TERT: variants seen among roughly 807,000 people sequenced by gnomAD.
TERT encodes telomerase catalytic subunit.
Under a neutral mutation model 104.0 loss-of-function variants are expected in TERT, and 42 were observed. The observed-to-expected ratio is 0.40, with a 90% CI of 0.32 to 0.52. The LOEUF (loss-of-function observed/expected upper bound fraction) is 0.52. TERT is among the 20% of genes least tolerant of loss of function. TERT has a pLI of 0.43. For synonymous variants in TERT, 781 were observed against 725.6 expected, an observed-to-expected ratio of 1.08 and a Z score of -1.23; for missense variants, 1,101 against 1,610.3, an observed-to-expected ratio of 0.68 and a Z score of 5.41.
At chr5:1,282,302 GC>G in intron 3 of TERT, 126 bp downstream of exon 3, 2 of 1,001,418 alleles carry the variant, frequency 2.0e-6, no homozygotes, top group Non-Finnish European at 3.1e-6. Flanking sequence ...CTGTGACGGG[GC>G]CCCTGGCTCC....
chr5:1,267,848 T>C (rs1383849042), intron 9 of TERT, among the ~76,000 whole-genome samples: 7 of 149,308 alleles, frequency 4.7e-5, no homozygotes, highest in Non-Finnish European at 1.0e-4. Context: ...ATGGGGGGAG[T>C]GGGGAGGGAT....
In TERT at chr5:1,288,188, A is replaced by G. The variant is rs1750608750; in HGVS notation, c.1573+5125T>C. Reference sequence around the variant, plus strand: ...AAATCACAGAATAAGAATACTTAAAAGAAGTATTAACACTTTGAAGTATTT... The same window carrying G: ...AAATCACAGAATAAGAATACTTAAAGGAAGTATTAACACTTTGAAGTATTT... On this transcript the variant is annotated intron_variant, in intron 2 of 15. Transcript: ENST00000310581. This position sits in a 1 kb window ranked among gnomAD's most constrained non-coding sequence, Gnocchi z 5.3. Among the ~76,000 whole-genome samples, 1 of 150,748 alleles carries G rather than the reference A, an allele frequency of 6.6e-6. No individual in the cohort carries two copies. The highest frequency in any genetic ancestry group is 1.5e-5 in the Non-Finnish European group (1 of 68,036).
Position 1,264,917 on chromosome 5 carries a change from G to A in TERT, c.2655-325C>T, listed in dbSNP as rs917012606. 2.6e-5 allele frequency among the ~76,000 whole-genome samples: 4 copies of A among 152,212 alleles called. 1 individual carries two copies. Among genetic ancestry groups the A allele is most frequent in the South Asian group, 4.1e-4 (2 of 4,834 alleles). Reference sequence around the variant, plus strand: ...GTCCCCATGGCAACACCACAATCCCGTTATAGACTCATCTGTGGTCCGGGG... The same window carrying A: ...GTCCCCATGGCAACACCACAATCCCATTATAGACTCATCTGTGGTCCGGGG... On this transcript the variant is annotated intron_variant, in intron 10 of 15. Transcript: ENST00000310581.
chr5:1,255,231 A>T lies in TERT; in HGVS notation c.3157+56T>A. On this transcript the variant is annotated intron_variant, in intron 14 of 15. Coordinates refer to ENST00000310581, the MANE Select transcript of TERT (RefSeq NM_198253.3). The surrounding 1 kb of genome is among the most constrained non-coding windows in gnomAD (Gnocchi z 6.9). The stretch of plus-strand genomic sequence containing the variant: ...GCCCAGATTCACTCAGTCTCCTGAC[A>T]CACTAACACCAGCAGGCAGGCACTG... 6.2e-7 allele frequency: 1 copy of T among 1,603,676 alleles called. No homozygotes were observed. The highest frequency in any genetic ancestry group is 8.5e-7 in the Non-Finnish European group (1 of 1,175,022).
chr5:1,254,288 G>T, intron 15 of TERT, 80 bp downstream of exon 15: 6 of 1,599,208 alleles, frequency 3.8e-6, no homozygotes, highest in Non-Finnish European at 5.1e-6. Flanking sequence ...AGCAGCATCT[G>T]AGGCTGCTCG....
rs770230888 is a variant in TERT, at chr5:1,260,484, AG to A, written c.2959del (p.Leu987TrpfsTer5). 1 of 1,614,100 alleles carries A rather than the reference AG, an allele frequency of 6.2e-7. No homozygotes were observed. The highest frequency in any genetic ancestry group is 1.1e-5 in the South Asian group (1 of 91,084). On this transcript the variant is annotated frameshift_variant, in exon 12 of 16. Coordinates refer to ENST00000310581, the MANE Select transcript of TERT (RefSeq NM_198253.3). LOFTEE classifies it high-confidence loss of function. ...CATCAGCCTGCTCACCTGCAAATCC[AG>A]AAACAGGCTGTGACACTTCAGCCGC... Reference protein sequence around the residue: ...VLRLKCHSLFLDLQVNSLQTV... With the variant: ...VLRLKCHSLFXDLQVNSLQTV...
intron 2 of TERT, among the ~76,000 whole-genome samples, chr5:1,285,565 ATTTTTTT>A (rs1170336173): frequency 7.3e-5 from 6 of 82,184 alleles, no homozygotes; most frequent in East Asian, 4.0e-4. Flanking sequence ...GGCTACTAGA[ATTTTTTT>A]TTTTTTTTTT....
At chr5:1,283,439 C>T (rs1417117427) in intron 2 of TERT, among the ~76,000 whole-genome samples, 4 of 140,264 alleles carry the variant, frequency 2.9e-5, no homozygotes, top group South Asian at 2.4e-4. Context: ...ATCCAGACAC[C>T]GCACATCCAG....
rs1454469641 is a variant in TERT at position 1,255,369 on chromosome 5, A to G, written c.3075T>C (p.Val1025=). 6.2e-7 allele frequency: 1 copy of G among 1,614,160 alleles called. No homozygotes were observed. The highest frequency in any genetic ancestry group is 1.3e-5 in the African/African-American group (1 of 75,030). Residue 1025 remains valine (V), a synonymous_variant, in exon 14 of 16, where the codon GTT becomes GTC. Coordinates refer to ENST00000310581, the MANE Select transcript of TERT (RefSeq NM_198253.3). The surrounding 1 kb of genome is among the most constrained non-coding windows in gnomAD (Gnocchi z 6.9). ...GCAGGAAAAATGTGGGGTTCTTCCAAACTTGCTGATGAAATGGGAGCTGCA... is the reference window on the plus strand; with the variant it reads ...GCAGGAAAAATGTGGGGTTCTTCCAGACTTGCTGATGAAATGGGAGCTGCA... ...CVLQLPFHQQ[V]WKNPTFFLRV...
At position 1,255,387 on chromosome 5, in the gene TERT, G is replaced by C. The variant is rs1747647964; in HGVS notation, c.3057C>G (p.Leu1019=). 5 of 1,614,234 alleles carry C rather than the reference G, an allele frequency of 3.1e-6. No individual in the cohort carries two copies. The South Asian group carries it at 4.4e-5, about 14-fold the overall frequency. ...TCTTCCAAACTTGCTGATGAAATGG[G>C]AGCTGCAGCACACATGCGTGAAACC... ...AYRFHACVLQ[L]PFHQQVWKNP... is the part of the protein sequence containing the mutation. The change falls in exon 14 of 16, where the codon CTC becomes CTG. Residue 1019 remains leucine, a synonymous_variant. Transcript: ENST00000310581. The surrounding 1 kb of genome is among the most constrained non-coding windows in gnomAD (Gnocchi z 6.9).
chr5:1,257,061 G>A lies in TERT; in HGVS notation c.3032+1537C>T, dbSNP rs946177377. On this transcript the variant is annotated intron_variant, in intron 13 of 15. Transcript: ENST00000310581. This position sits in a 1 kb window ranked among gnomAD's most constrained non-coding sequence, Gnocchi z 5.6. ...GGAAGGGGATTCCTGGGCCTTCCACGTGCCTGACTCTGTGTTTGGAAACGG... is the reference window on the plus strand; with the variant it reads ...GGAAGGGGATTCCTGGGCCTTCCACATGCCTGACTCTGTGTTTGGAAACGG... Among the ~76,000 whole-genome samples, 1 of 152,140 alleles carries A rather than the reference G, an allele frequency of 6.6e-6. No homozygotes were observed. The highest frequency in any genetic ancestry group is 1.5e-5 in the Non-Finnish European group (1 of 68,028).
rs1416285081 is a variant in TERT at position 1,293,671 on chromosome 5, G to A, written c.1215C>T (p.Tyr405=). The stretch of plus-strand genomic sequence containing the variant: ...GGCAGTGCGTCTTGAGGAGCACCCC[G>A]TAGGGGCACTGCGCGTGGTTCCCAA... ...ELLGNHAQCP[Y]GVLLKTHCPL... is the part of the protein sequence containing the mutation. Residue 405 remains tyrosine (Y), a synonymous_variant, in exon 2 of 16, where the codon TAC becomes TAT. Transcript: ENST00000310581. 2.5e-6 allele frequency: 4 copies of A among 1,568,688 alleles called. No homozygotes were observed. The highest frequency in any genetic ancestry group is 1.3e-5 in the African/African-American group (1 of 74,384).
rs1332091247 is a variant in TERT, at chr5:1,263,858, C to G, written c.2843+546G>C. On this transcript the variant is annotated intron_variant, in intron 11 of 15. Transcript: ENST00000310581. This position sits in a 1 kb window ranked among gnomAD's most constrained non-coding sequence, Gnocchi z 5.3. The stretch of plus-strand genomic sequence containing the variant: ...CCCAGAATTTTGTAGAGACCCCCCC[C>G]ACACCATGGCCCTGTCCCCTGATGG... Among the ~76,000 whole-genome samples the G allele has an allele frequency of 3.3e-5, 5 of 152,242 alleles. No individual in the cohort carries two copies. Among genetic ancestry groups the G allele is most frequent in the Non-Finnish European group, 1.5e-5 (1 of 68,040 alleles).
Position 1,253,562 on chromosome 5 carries a change from T to C in TERT, c.*166A>G, listed in dbSNP as rs1359004324. 2.3e-5 allele frequency: 15 copies of C among 656,118 alleles called. No homozygotes were observed. Among genetic ancestry groups the C allele is most frequent in the Non-Finnish European group, 2.2e-5 (8 of 367,856 alleles). 40.6% of individuals were successfully genotyped at this position (656,118 alleles called of 1,614,324 possible). On this transcript the variant is annotated 3_prime_UTR_variant, in exon 16 of 16. Coordinates refer to ENST00000310581, the MANE Select transcript of TERT (RefSeq NM_198253.3). ...ACTCGCTCAGGCCTCAGCCGGACAC[T>C]CAGCCTTCAGCCGGACATGCAGGCC...
rs1406701814 is a variant in TERT at position 1,267,981 on chromosome 5, T to TA, written c.2582+538dup. Among the ~76,000 whole-genome samples, 507 of 145,916 alleles carry TA rather than the reference T, an allele frequency of 3.5e-3. 3 individuals are homozygous for TA. The highest frequency in any genetic ancestry group is 9.1e-3 in the African/African-American group (365 of 40,024). ...ACATGTACCCTAGAACTTAAAGTAT[T>TA]AAAAAAAAAAAAGTAACTGCTGTCA... On this transcript the variant is annotated intron_variant, in intron 9 of 15. Transcript: ENST00000310581.
Position 1,270,650 on chromosome 5 carries a change from C to T in TERT, c.2468+469G>A. ...ACTTTCCAGATGGGAAATCTAGTCA[C>T]AGAGAGAAGAGCCCGCGCCCTCGCG... On this transcript the variant is annotated intron_variant, in intron 8 of 15. Transcript: ENST00000310581. This position sits in a 1 kb window ranked among gnomAD's most constrained non-coding sequence, Gnocchi z 8.3. Among the ~76,000 whole-genome samples the T allele has an allele frequency of 6.6e-6, 1 of 152,310 alleles. No homozygotes were observed. The highest frequency in any genetic ancestry group is 2.4e-5 in the African/African-American group (1 of 41,552).
At position 1,270,294 on chromosome 5, in the gene TERT, GCA is replaced by G. The variant is rs1374956769; in HGVS notation, c.2468+823_2468+824del. On this transcript the variant is annotated intron_variant, in intron 8 of 15. Transcript: ENST00000310581. The surrounding 1 kb of genome is among the most constrained non-coding windows in gnomAD (Gnocchi z 8.3). Reference sequence around the variant, plus strand: ...TTTAAATAAAAGCTTCCGAAGCTGTGCACAGTCCTTTATCCGCTGGAGACGAT... The same window carrying G: ...TTTAAATAAAAGCTTCCGAAGCTGTGCAGTCCTTTATCCGCTGGAGACGAT... Among the ~76,000 whole-genome samples, 1 of 152,220 alleles carries G rather than the reference GCA, an allele frequency of 6.6e-6. No individual in the cohort carries two copies. Among genetic ancestry groups the G allele is most frequent in the Non-Finnish European group, 1.5e-5 (1 of 68,038 alleles).
In TERT at chr5:1,253,605, C is replaced by T; in HGVS notation, c.*123G>A. The T allele has an allele frequency of 1.2e-6, 1 of 809,140 alleles. No individual in the cohort carries two copies. Among genetic ancestry groups the T allele is most frequent in the Non-Finnish European group, 2.0e-6 (1 of 490,210 alleles). The allele number at this position is 809,140 out of a possible 1,614,324, so 50.1% of individuals were successfully genotyped here. ...TGCAGGCCTCGGCCAAACACTCACTCAGGCCTCAGACTCCCAGCGGTGCGG... is the reference window on the plus strand; with the variant it reads ...TGCAGGCCTCGGCCAAACACTCACTTAGGCCTCAGACTCCCAGCGGTGCGG... On this transcript the variant is annotated 3_prime_UTR_variant, in exon 16 of 16. Coordinates refer to ENST00000310581, the MANE Select transcript of TERT (RefSeq NM_198253.3).
intron 6 of TERT, among the ~76,000 whole-genome samples, chr5:1,272,611 AT>A (rs1415913643): frequency 2.8e-5 from 1 of 35,776 alleles, no homozygotes; most frequent in Non-Finnish European, 5.5e-5. Context: ...CAGTCACCAC[AT>A]CAGACCCCAC....
Sources: allele counts gnomAD v4.1 joint callset (sites outside exome capture counted in the v4.1 genomes callset), GRCh38; gene constraint gnomAD v4.1.1; non-coding constraint Gnocchi (gnomAD v3.1); transcripts MANE v1.5; gene names NCBI Gene and HGNC (gene_info 2026-07-23, HGNC 2026-07-21).